Variants in GRID2 observed in about 807,000 individuals in gnomAD.
GRID2 encodes glutamate ionotropic receptor delta type subunit 2.
GRID2 carries 33 observed loss-of-function variants against 114.8 expected under a neutral mutation model. The ratio of observed to expected loss-of-function variants is 0.29; its 90% CI spans 0.22 to 0.38. The LOEUF is 0.38. GRID2 is among the 10% of genes least tolerant of loss of function. The pLI, the probability that GRID2 is intolerant of heterozygous loss-of-function variation, is 1.00. For synonymous variants in GRID2, 505 were observed against 449.9 expected, an observed-to-expected ratio of 1.12 and a Z score of -1.55; for missense variants, 1,184 against 1,257.7, an observed-to-expected ratio of 0.94 and a Z score of 0.89.
intron 4 of GRID2, among the ~76,000 whole-genome samples, chr4:93,206,077 A>G (rs1023257965): frequency 3.9e-5 from 6 of 152,066 alleles, no homozygotes; most frequent in African/African-American, 1.4e-4. Context: ...TAATAATAAT[A>G]AAATAAAATT....
At chr4:93,047,289 A>C (rs1387094681) in intron 2 of GRID2, among the ~76,000 whole-genome samples, 3 of 152,240 alleles carry the variant, frequency 2.0e-5, no homozygotes, top group South Asian at 2.1e-4. Flanking sequence ...AAAGACATTA[A>C]GTAAAAGCTA....
At chr4:92,675,433 C>T (rs183709855) in intron 2 of GRID2, among the ~76,000 whole-genome samples, 12 of 152,226 alleles carry the variant, frequency 7.9e-5, no homozygotes, top group African/African-American at 2.4e-4. Flanking sequence ...TCCCTCCTCT[C>T]TAATACTCTG....
intron 2 of GRID2, among the ~76,000 whole-genome samples, chr4:92,747,734 G>A (rs6817591): frequency 0.15 from 22,511 of 151,958 alleles, 2,098 homozygotes; most frequent in African/African-American, 0.26. Flanking sequence ...ATCCTATTAA[G>A]AATCAAAAGC....
intron 13 of GRID2, among the ~76,000 whole-genome samples, chr4:93,580,867 C>T (rs553390320): frequency 7.1e-6 from 1 of 140,604 alleles, no homozygotes; most frequent in Non-Finnish European, 1.5e-5. Context: ...ATAGCATTTG[C>T]AAATTGTCAT....
chr4:92,422,954 G>C (rs1162773505), intron 1 of GRID2, among the ~76,000 whole-genome samples: 2 of 152,150 alleles, frequency 1.3e-5, no homozygotes, highest in East Asian at 3.9e-4. Flanking sequence ...GATAGAGCCT[G>C]TTAGGTTAGA....
At chr4:93,363,208 C>T (rs1001160444) in intron 8 of GRID2, among the ~76,000 whole-genome samples, 3 of 152,166 alleles carry the variant, frequency 2.0e-5, no homozygotes, top group African/African-American at 7.2e-5. Context: ...CAGAGTGAGA[C>T]CCTGTCTCAA....
intron 1 of GRID2, among the ~76,000 whole-genome samples, chr4:92,533,033 C>T (rs969535781): frequency 6.6e-6 from 1 of 152,050 alleles, no homozygotes; most frequent in Admixed American, 6.6e-5. Context: ...GTGAATGTAC[C>T]ACTGCACTCC....
intron 2 of GRID2, among the ~76,000 whole-genome samples, chr4:92,886,447 A>G (rs918581794): frequency 6.6e-6 from 1 of 152,292 alleles, no homozygotes; most frequent in African/African-American, 2.4e-5. Flanking sequence ...AGTAAAAAAC[A>G]CAATAGCCTT....
At chr4:93,077,815 T>C (rs920434829) in intron 2 of GRID2, among the ~76,000 whole-genome samples, 1 of 152,206 alleles carries the variant, frequency 6.6e-6, no homozygotes, top group African/African-American at 2.4e-5. Context: ...TTGCAGGCTA[T>C]TGGGAAAAGG....
At chr4:93,663,198 G>A (rs954190436) in intron 14 of GRID2, among the ~76,000 whole-genome samples, 1 of 152,144 alleles carries the variant, frequency 6.6e-6, no homozygotes. Context: ...TGCAAACAAG[G>A]CCATATCATC....
chr4:92,727,207 C>G (rs919844359), intron 2 of GRID2, among the ~76,000 whole-genome samples: 3 of 151,706 alleles, frequency 2.0e-5, no homozygotes, highest in Non-Finnish European at 4.4e-5. Context: ...CCCTTTTAAA[C>G]AAAAGTAAAA....
At chr4:93,192,071 T>G (rs902161136) in intron 4 of GRID2, among the ~76,000 whole-genome samples, 2 of 152,180 alleles carry the variant, frequency 1.3e-5, no homozygotes, top group African/African-American at 4.8e-5. Context: ...TTATTTTCAC[T>G]GGGGCTTATG....
intron 2 of GRID2, among the ~76,000 whole-genome samples, chr4:92,974,457 A>G (rs1417905708): frequency 6.6e-6 from 1 of 152,136 alleles, no homozygotes; most frequent in Non-Finnish European, 1.5e-5. Context: ...TCAATGATAG[A>G]CTGGATTAAG....
At chr4:93,705,962 G>T (rs1727962040) in intron 14 of GRID2, among the ~76,000 whole-genome samples, 1 of 151,974 alleles carries the variant, frequency 6.6e-6, no homozygotes, top group South Asian at 2.1e-4. Context: ...TATGTTCTTG[G>T]CACCTAAGTT....
intron 1 of GRID2, among the ~76,000 whole-genome samples, chr4:92,344,845 G>A (rs929380529): frequency 1.3e-5 from 2 of 152,106 alleles, no homozygotes; most frequent in Admixed American, 1.3e-4. Flanking sequence ...AGTCACTAAG[G>A]CTGGCCTTTT....
At chr4:92,983,300 C>T (rs150870842) in intron 2 of GRID2, among the ~76,000 whole-genome samples, 1 of 152,170 alleles carries the variant, frequency 6.6e-6, no homozygotes, top group Non-Finnish European at 1.5e-5. Flanking sequence ...TGTGTCATTA[C>T]ATGGCTGAAG....
intron 8 of GRID2, among the ~76,000 whole-genome samples, chr4:93,241,892 G>C (rs535818035): frequency 1.1e-3 from 174 of 151,644 alleles, no homozygotes; most frequent in Middle Eastern, 3.4e-3. Flanking sequence ...TAAGAGATTT[G>C]AGTATATTTG....
At chr4:92,964,264 C>T (rs186515237) in intron 2 of GRID2, among the ~76,000 whole-genome samples, 2 of 152,096 alleles carry the variant, frequency 1.3e-5, no homozygotes, top group Admixed American at 1.3e-4. Flanking sequence ...TTTGTCCTCT[C>T]TAGCTATGAA....
At chr4:92,770,022 C>T (rs1369604847) in intron 2 of GRID2, among the ~76,000 whole-genome samples, 1 of 152,170 alleles carries the variant, frequency 6.6e-6, no homozygotes, top group African/African-American at 2.4e-5. Context: ...TGTTAGGCTG[C>T]AAATTTTCCA....
Sources: allele counts gnomAD v4.1 joint callset (sites outside exome capture counted in the v4.1 genomes callset), GRCh38; gene constraint gnomAD v4.1.1; transcripts MANE v1.5; gene names NCBI Gene and HGNC (gene_info 2026-07-23, HGNC 2026-07-21).